Variants in PLXNA4 observed in about 807,000 individuals in gnomAD.
The protein encoded by PLXNA4 is plexin A4.
In PLXNA4, 44 loss-of-function variants were observed where a neutral mutation model predicts 191.8. The ratio of observed to expected loss-of-function variants is 0.23; its 90% CI spans 0.18 to 0.29. The LOEUF is 0.29. Among genes scored for constraint, PLXNA4 ranks in the 10% least tolerant of loss-of-function variants. PLXNA4 has a pLI of 1.00. For synonymous variants in PLXNA4, 1,082 were observed against 1,009.5 expected (o/e 1.07, Z -1.36); for missense variants, 1,800 against 2,488.8 (o/e 0.72, Z 5.89).
chr7:132,192,454 CAAAG>C (rs1797121927), intron 14 of PLXNA4, among the ~76,000 whole-genome samples: 1 of 138,924 alleles, frequency 7.2e-6, no homozygotes, highest in Admixed American at 8.0e-5. Context: ...AGGAAGGAAG[CAAAG>C]AAAGAGGAAG....
chr7:132,211,150 A>G lies in PLXNA4; in HGVS notation c.2098-7T>C. On this transcript the variant is annotated splice_polypyrimidine_tract_variant and splice_region_variant and intron_variant, in intron 9 of 31. Coordinates refer to ENST00000321063, the MANE Select transcript of PLXNA4 (RefSeq NM_020911.2). ...GCAGCAGCTGGGGGCAGTCCTGGGGACAGAGGGCATGGCTCAGGCTGGGCA... is the reference window on the plus strand; with the variant it reads ...GCAGCAGCTGGGGGCAGTCCTGGGGGCAGAGGGCATGGCTCAGGCTGGGCA... The G allele has an allele frequency of 6.4e-7, 1 of 1,553,650 alleles. No individual in the cohort carries two copies. Among genetic ancestry groups the G allele is most frequent in the Non-Finnish European group, 8.7e-7 (1 of 1,148,212 alleles).
At chr7:132,408,502 C>T (rs1042981724) in intron 3 of PLXNA4, among the ~76,000 whole-genome samples, 1 of 147,816 alleles carries the variant, frequency 6.8e-6, no homozygotes. Flanking sequence ...CTCACTCTGT[C>T]ACCCAGGCTG....
chr7:132,349,839 T>C (rs2116796142), intron 3 of PLXNA4, among the ~76,000 whole-genome samples: 1 of 152,288 alleles, frequency 6.6e-6, no homozygotes, highest in South Asian at 2.1e-4. Flanking sequence ...CCTTTTCCTT[T>C]GTCCCAACTC....
chr7:132,328,603 C>T (rs1194007644), intron 3 of PLXNA4, among the ~76,000 whole-genome samples: 2 of 152,204 alleles, frequency 1.3e-5, no homozygotes, highest in Admixed American at 6.5e-5. Context: ...GATTCCTCGC[C>T]TTGGAGAAAT....
intron 24 of PLXNA4, 66 bp downstream of exon 24, chr7:132,164,076 A>G: frequency 6.2e-7 from 1 of 1,600,730 alleles, no homozygotes; most frequent in Non-Finnish European, 8.5e-7. Flanking sequence ...TCCACTGCTG[A>G]GCAGGGCTAC....
chr7:132,426,423 G>A (rs1399845844), intron 3 of PLXNA4, among the ~76,000 whole-genome samples: 1 of 152,208 alleles, frequency 6.6e-6, no homozygotes, highest in Non-Finnish European at 1.5e-5. Flanking sequence ...GACCAGCGCT[G>A]TCATGTCTGC....
intron 1 of PLXNA4, among the ~76,000 whole-genome samples, chr7:132,563,145 T>A (rs867967136): frequency 1.5e-4 from 3 of 20,318 alleles, no homozygotes; most frequent in South Asian, 2.9e-3. Context: ...CCTTCTCCTC[T>A]TCCTCCTTCT....
chr7:132,203,764 T>C (rs1797521919), intron 10 of PLXNA4, among the ~76,000 whole-genome samples: 1 of 152,324 alleles, frequency 6.6e-6, no homozygotes, highest in Non-Finnish European at 1.5e-5. Context: ...TGGAATTTCC[T>C]GAGAGGTAAA....
At chr7:132,581,818 C>T (rs1428590341), upstream of PLXNA4, among the ~76,000 whole-genome samples, 1 of 152,196 alleles carries the variant, frequency 6.6e-6, no homozygotes, top group Non-Finnish European at 1.5e-5. Flanking sequence ...ACTCCCCTTC[C>T]TCCCCAGACC....
At chr7:132,563,983 C>T (rs1375095720) in intron 1 of PLXNA4, among the ~76,000 whole-genome samples, 2 of 35,996 alleles carry the variant, frequency 5.6e-5, no homozygotes, top group Non-Finnish European at 9.3e-5. Flanking sequence ...CCTCCTCCTT[C>T]TCCTCCTCCT....
chr7:132,262,365 T>C (rs1799678348), intron 4 of PLXNA4, among the ~76,000 whole-genome samples: 1 of 152,216 alleles, frequency 6.6e-6, no homozygotes, highest in Non-Finnish European at 1.5e-5. Context: ...TGTCCTGGGC[T>C]GATGGATCGG....
intron 1 of PLXNA4, among the ~76,000 whole-genome samples, chr7:132,534,545 T>C (rs1799755499): frequency 6.6e-6 from 1 of 152,106 alleles, no homozygotes; most frequent in African/African-American, 2.4e-5. Flanking sequence ...TGTGCATAGA[T>C]TCTGTAGTGG....
intron 25 of PLXNA4, among the ~76,000 whole-genome samples, chr7:132,155,774 A>T (rs1795773570): frequency 6.6e-6 from 1 of 152,144 alleles, no homozygotes; most frequent in African/African-American, 2.4e-5. Flanking sequence ...CTACGTGTCA[A>T]CTTGGCTGGG....
intron 2 of PLXNA4, among the ~76,000 whole-genome samples, chr7:132,607,342 C>T (rs1259188105): frequency 6.6e-6 from 1 of 152,190 alleles, no homozygotes; most frequent in Admixed American, 6.5e-5. Flanking sequence ...TCCTGCCTCA[C>T]TGCTCACCAA....
intron 3 of PLXNA4, among the ~76,000 whole-genome samples, chr7:132,427,864 C>T (rs1795108306): frequency 6.6e-6 from 1 of 152,236 alleles, no homozygotes; most frequent in Non-Finnish European, 1.5e-5. Flanking sequence ...TGGAAGTGAC[C>T]ATCTCCCCGC....
At chr7:132,250,732 C>G (rs1056632209) in intron 4 of PLXNA4, among the ~76,000 whole-genome samples, 1 of 152,210 alleles carries the variant, frequency 6.6e-6, no homozygotes, top group South Asian at 2.1e-4. Context: ...GGCATTCACA[C>G]AGTTAACAAG....
chr7:132,296,379 C>T (rs529520983), intron 4 of PLXNA4, among the ~76,000 whole-genome samples: 1 of 152,136 alleles, frequency 6.6e-6, no homozygotes, highest in South Asian at 2.1e-4. Flanking sequence ...TGACTCAGTT[C>T]TCAAAGGGGG....
chr7:132,327,585 C>T (rs1802422972), intron 3 of PLXNA4, among the ~76,000 whole-genome samples: 1 of 152,102 alleles, frequency 6.6e-6, no homozygotes, highest in Non-Finnish European at 1.5e-5. Flanking sequence ...CCTTATAACA[C>T]CAAGGTCGGA....
intron 3 of PLXNA4, among the ~76,000 whole-genome samples, chr7:132,307,884 G>A (rs1035331285): frequency 3.9e-5 from 6 of 152,184 alleles, no homozygotes; most frequent in African/African-American, 1.4e-4. Flanking sequence ...GACAGGCAGT[G>A]TGTGTGCACA....
Sources: allele counts gnomAD v4.1 joint callset (sites outside exome capture counted in the v4.1 genomes callset), GRCh38; gene constraint gnomAD v4.1.1; transcripts MANE v1.5; gene names NCBI Gene and HGNC (gene_info 2026-07-23, HGNC 2026-07-21).